FERRY3: variants seen among roughly 807,000 people sequenced by gnomAD.
The protein encoded by FERRY3 is protein C12orf4.
At chr12:4,512,412 C>G in the FERRY3 span, among the ~76,000 whole-genome samples, 2 of 152,382 alleles carry the variant, frequency 1.3e-5, no homozygotes, top group Admixed American at 1.3e-4. Flanking sequence ...CATTCTGATA[C>G]CAAAGCCAGG....
the FERRY3 span, among the ~76,000 whole-genome samples, chr12:4,532,599 T>C: frequency 7.9e-5 from 12 of 152,212 alleles, no homozygotes; most frequent in Admixed American, 5.2e-4. Context: ...TCCGTCAGTA[T>C]TCAAACATTC....
At chr12:4,491,979 T>C in the FERRY3 span, among the ~76,000 whole-genome samples, 5 of 152,250 alleles carry the variant, frequency 3.3e-5, no homozygotes, top group South Asian at 2.1e-4. Flanking sequence ...ACTTGAGAGG[T>C]TGAAGCAGGA....
At chr12:4,531,295 G>A in the FERRY3 span, among the ~76,000 whole-genome samples, 1 of 152,166 alleles carries the variant, frequency 6.6e-6, no homozygotes, top group Non-Finnish European at 1.5e-5. Flanking sequence ...CAGCCTATGG[G>A]ACTTAACTTC....
At chr12:4,515,599 T>C in the FERRY3 span, among the ~76,000 whole-genome samples, 1 of 151,904 alleles carries the variant, frequency 6.6e-6, no homozygotes, top group African/African-American at 2.4e-5. Context: ...ACATGGAACC[T>C]AAAATAGTTG....
chr12:4,505,874 T>C, the FERRY3 span, among the ~76,000 whole-genome samples: 1 of 152,194 alleles, frequency 6.6e-6, no homozygotes, highest in South Asian at 2.1e-4. Context: ...GGGCTACAAA[T>C]AAATGGCTAG....
At chr12:4,491,086 T>C in the FERRY3 span, 3 of 1,113,054 alleles carry the variant, frequency 2.7e-6, no homozygotes, top group African/African-American at 3.1e-5. Context: ...ATTACAGGGG[T>C]ATCTTTCACA....
chr12:4,494,459 A>G, the FERRY3 span, among the ~76,000 whole-genome samples: 2 of 152,232 alleles, frequency 1.3e-5, no homozygotes, highest in African/African-American at 4.8e-5. Context: ...AAGCATTATA[A>G]TATTAGCTCT....
chr12:4,513,712 T>A, the FERRY3 span, among the ~76,000 whole-genome samples: 1 of 152,176 alleles, frequency 6.6e-6, no homozygotes, highest in Non-Finnish European at 1.5e-5. Flanking sequence ...TGAAACTGGA[T>A]CCCGTCCTTA....
At chr12:4,500,311 G>C in the FERRY3 span, 1 of 1,613,986 alleles carries the variant, frequency 6.2e-7, no homozygotes, top group Non-Finnish European at 8.5e-7. Context: ...ATTTCTGAGA[G>C]ATTAGAATGC....
At chr12:4,515,154 C>T in the FERRY3 span, among the ~76,000 whole-genome samples, 8 of 152,230 alleles carry the variant, frequency 5.3e-5, no homozygotes, top group Admixed American at 2.6e-4. Flanking sequence ...GCGATTTGAG[C>T]CAGAAATTTT....
the FERRY3 span, among the ~76,000 whole-genome samples, chr12:4,523,325 C>A: frequency 6.6e-6 from 1 of 152,180 alleles, no homozygotes; most frequent in African/African-American, 2.4e-5. Flanking sequence ...AATATTTACA[C>A]AAATGAAATT....
chr12:4,492,390 G>A, the FERRY3 span, among the ~76,000 whole-genome samples: 1 of 152,162 alleles, frequency 6.6e-6, no homozygotes, highest in Non-Finnish European at 1.5e-5. Flanking sequence ...ACCCGTGCAA[G>A]AATAAGAATA....
the FERRY3 span, chr12:4,525,301 T>A: frequency 6.2e-7 from 1 of 1,613,540 alleles, no homozygotes; most frequent in Admixed American, 1.7e-5. Context: ...GAAGTTTTAT[T>A]ACCCATTCTT....
chr12:4,527,765 C>T, the FERRY3 span, among the ~76,000 whole-genome samples: 90 of 151,768 alleles, frequency 5.9e-4, no homozygotes, highest in Admixed American at 9.8e-4. Flanking sequence ...AAATAAATTA[C>T]AAAACTTTTA....
chr12:4,504,324 G>A, the FERRY3 span, among the ~76,000 whole-genome samples: 1 of 152,170 alleles, frequency 6.6e-6, no homozygotes, highest in Non-Finnish European at 1.5e-5. Context: ...GGCTATTTCT[G>A]AAACTGTAAA....
At chr12:4,518,437 T>C in the FERRY3 span, among the ~76,000 whole-genome samples, 3 of 152,214 alleles carry the variant, frequency 2.0e-5, no homozygotes, top group African/African-American at 4.8e-5. Flanking sequence ...AAAAACATTA[T>C]ATAAATATAC....
At chr12:4,491,253 CATAAG>C in the FERRY3 span, 26 of 1,600,996 alleles carry the variant, frequency 1.6e-5, no homozygotes, top group South Asian at 8.8e-5. Context: ...AGAAACAAAA[CATAAG>C]ATATGTTTTT....
At chr12:4,489,989 T>A in the FERRY3 span, 4 of 827,864 alleles carry the variant, frequency 4.8e-6, no homozygotes, top group Non-Finnish European at 7.6e-6. Flanking sequence ...TGGACCTAGT[T>A]CTACTAGGAA....
chr12:4,499,345 G>A, the FERRY3 span, among the ~76,000 whole-genome samples: 1 of 152,174 alleles, frequency 6.6e-6, no homozygotes, highest in Admixed American at 6.5e-5. Context: ...GCACAGAGTT[G>A]CTGATAGTAG....
Sources: allele counts gnomAD v4.1 joint callset (sites outside exome capture counted in the v4.1 genomes callset), GRCh38; gene constraint gnomAD v4.1.1; transcripts MANE v1.5; gene names NCBI Gene and HGNC (gene_info 2026-07-23, HGNC 2026-07-21).